TAF5L: variants seen among roughly 807,000 people sequenced by gnomAD.
TAF5L encodes the protein TATA-box binding protein associated factor 5 like.
In TAF5L, 7 loss-of-function variants were observed where a neutral mutation model predicts 51.3. The ratio of observed to expected loss-of-function variants is 0.14; its 90% CI spans 0.08 to 0.26. The LOEUF (loss-of-function observed/expected upper bound fraction) is 0.26. Ranked by LOEUF, TAF5L falls within the 10% of genes least tolerant of loss-of-function variation. TAF5L has a pLI of 1.00. For missense variants in TAF5L, 575 were observed against 758.9 expected (o/e 0.76, Z 2.85); for synonymous variants, 291 against 308.1 (o/e 0.94, Z 0.58).
chr1:229,619,124 T>G (rs4925459), intron 1 of TAF5L, among the ~76,000 whole-genome samples: 19,406 of 152,184 alleles, frequency 0.13, 1,898 homozygotes, highest in East Asian at 0.42. Context: ...ATTAGTTCTC[T>G]TCACTCACAG....
chr1:229,602,507 G>A lies in TAF5L; in HGVS notation c.660C>T (p.Asn220=), dbSNP rs1246831033. ...GCATGTCGGGGGGCTCCAAACCGTT[G>A]TTCTCACTGCGGGAGGAGCTGCCAC... The change falls in exon 4 of 5, where the codon AAC becomes AAT. Residue 220 remains asparagine (N), a synonymous_variant. Transcript: ENST00000258281. This position sits in a 1 kb window ranked among gnomAD's most constrained non-coding sequence, Gnocchi z 4.6. 6.2e-7 allele frequency: 1 copy of A among 1,614,156 alleles called. No homozygotes were observed. The highest frequency in any genetic ancestry group is 1.3e-5 in the African/African-American group (1 of 75,040).
At chr1:229,616,116 G>C (rs1664992772) in intron 1 of TAF5L, among the ~76,000 whole-genome samples, 1 of 152,214 alleles carries the variant, frequency 6.6e-6, no homozygotes, top group African/African-American at 2.4e-5. Context: ...CTGGGTTCAA[G>C]TGATTCCCTG....
chr1:229,595,157 A>T, intron 4 of TAF5L, 63 bp from the exon 5 acceptor site: 1 of 1,494,530 alleles, frequency 6.7e-7, no homozygotes, highest in Non-Finnish European at 8.9e-7. Flanking sequence ...TGGTCTGACA[A>T]GGAAAACAAG....
intron 1 of TAF5L, 27 bp from the exon 2 acceptor site, chr1:229,614,512 A>G (rs767843089): frequency 6.2e-7 from 1 of 1,611,770 alleles, no homozygotes; most frequent in Admixed American, 1.7e-5. Flanking sequence ...GACAGGATAC[A>G]GAGACATCAG....
At position 229,602,495 on chromosome 1, in the gene TAF5L, C is replaced by A. The variant is rs1664417615; in HGVS notation, c.672G>T (p.Glu224Asp). 4 of 1,614,114 alleles carry A rather than the reference C, an allele frequency of 2.5e-6. No individual in the cohort carries two copies. In the South Asian group the frequency reaches 4.4e-5, roughly 18 times the overall value. ...GAATAGGGCTGGGCATGTCGGGGGG[C>A]TCCAAACCGTTGTTCTCACTGCGGG... Residue 224 changes from glutamate (E) to aspartate (D), a missense_variant, in exon 4 of 5, where the codon GAG becomes GAT. Glu to Asp is a conservative substitution (Grantham distance 45). Coordinates refer to ENST00000258281, the Ensembl canonical transcript of TAF5L. This position sits in a 1 kb window ranked among gnomAD's most constrained non-coding sequence, Gnocchi z 4.6.
chr1:229,601,579 G>C, intron 4 of TAF5L: 1 of 985,870 alleles, frequency 1.0e-6, no homozygotes, highest in Non-Finnish European at 1.2e-6. Context: ...ACTGACTGAC[G>C]GGGGGAGGGG....
intron 1 of TAF5L, among the ~76,000 whole-genome samples, chr1:229,620,213 T>G (rs1342827295): frequency 1.3e-5 from 2 of 152,194 alleles, no homozygotes; most frequent in East Asian, 3.8e-4. Context: ...TGTTTGCTAT[T>G]TGACAGCACA....
chr1:229,608,995 C>T (rs371239296), intron 3 of TAF5L, among the ~76,000 whole-genome samples: 2 of 152,182 alleles, frequency 1.3e-5, no homozygotes, highest in South Asian at 4.2e-4. Context: ...CAGAACAATA[C>T]CGTCTCAAAA....
intron 1 of TAF5L, among the ~76,000 whole-genome samples, chr1:229,615,288 C>T (rs574994378): frequency 1.5e-4 from 23 of 152,114 alleles, no homozygotes; most frequent in Non-Finnish European, 2.4e-4. Context: ...GGGGTTTCAC[C>T]GTGTTAGCCA....
intron 1 of TAF5L, among the ~76,000 whole-genome samples, chr1:229,622,830 A>C (rs1425473553): frequency 6.6e-6 from 1 of 152,052 alleles, no homozygotes; most frequent in Non-Finnish European, 1.5e-5. Context: ...GCCCAGGTTG[A>C]TCTCAAACTC....
chr1:229,599,373 T>A (rs1362497154), intron 4 of TAF5L: 1 of 222,030 alleles, frequency 4.5e-6, no homozygotes, highest in Non-Finnish European at 7.6e-6. Context: ...TGTGCAATGA[T>A]CACCACTATC....
chr1:229,610,265 C>T (rs2102756473), intron 2 of TAF5L, 55 bp from the exon 3 acceptor site: 1 of 1,546,048 alleles, frequency 6.5e-7, no homozygotes. Context: ...CGATTATTAA[C>T]CCAGTACGTG....
chr1:229,600,341 C>A, intron 4 of TAF5L: 1 of 985,358 alleles, frequency 1.0e-6, no homozygotes, highest in Non-Finnish European at 1.2e-6. Flanking sequence ...TTAAAAAGGG[C>A]AGAGGTTAGC....
chr1:229,593,394 A>G (rs1663991298), exon 5 of TAF5L: 1 of 152,182 alleles, frequency 6.6e-6, no homozygotes, highest in Non-Finnish European at 1.5e-5. Flanking sequence ...TTCTAATTCT[A>G]TCTTGTTACT....
chr1:229,622,428 T>A (rs1233876194), intron 1 of TAF5L, among the ~76,000 whole-genome samples: 1 of 152,130 alleles, frequency 6.6e-6, no homozygotes, highest in Admixed American at 6.5e-5. Flanking sequence ...TACTTGAAGA[T>A]AATTTTTAAG....
At chr1:229,606,006 C>G in intron 3 of TAF5L, 2 of 451,554 alleles carry the variant, frequency 4.4e-6, no homozygotes, top group Non-Finnish European at 2.9e-6. Flanking sequence ...GTTTTCAATT[C>G]CTTAGAAACA....
chr1:229,607,414 C>T (rs1303648969), intron 3 of TAF5L: 2 of 985,286 alleles, frequency 2.0e-6, no homozygotes, highest in African/African-American at 1.7e-5. Flanking sequence ...AGCCTGAAAC[C>T]CCCATTCACA....
chr1:229,623,091 A>G (rs1665275634), intron 1 of TAF5L, among the ~76,000 whole-genome samples: 1 of 152,210 alleles, frequency 6.6e-6, no homozygotes, highest in Admixed American at 6.5e-5. Flanking sequence ...AGCCTGGTCA[A>G]CATGGTGAAA....
chr1:229,593,968 A>C (rs1002715635), exon 5 of TAF5L: 6 of 257,320 alleles, frequency 2.3e-5, no homozygotes, highest in African/African-American at 1.4e-4. Flanking sequence ...CCTCTAACCA[A>C]ACCTAGCCCC....
Sources: gnomAD v4.1 joint callset for allele counts (sites outside exome capture counted in the v4.1 genomes callset) on GRCh38, gnomAD v4.1.1 for gene constraint, Gnocchi (gnomAD v3.1) non-coding constraint, MANE v1.5 for transcripts, NCBI Gene and HGNC (gene_info 2026-07-23, HGNC 2026-07-21) for gene names.